The following PPARGC1A variants were observed in gnomAD, a reference collection of about 807,000 sequenced individuals.
PPARGC1A encodes PPARG coactivator 1 alpha.
In PPARGC1A, 25 loss-of-function variants were observed where a neutral mutation model predicts 88.7. The ratio of observed to expected loss-of-function variants is 0.28; its 90% CI spans 0.21 to 0.39. PPARGC1A has a LOEUF of 0.39. PPARGC1A is among the 10% of genes least tolerant of loss of function. The probability of loss-of-function intolerance (pLI) is 1.00; values close to 1 mark genes in which losing one functional copy is unlikely to be tolerated. For synonymous variants in PPARGC1A, 363 were observed against 355.6 expected (o/e 1.02, Z -0.24); for missense variants, 880 against 968.7 (o/e 0.91, Z 1.22).
intron 2 of PPARGC1A, among the ~76,000 whole-genome samples, chr4:23,859,998 A>G (rs1050042413): frequency 2.0e-5 from 3 of 152,152 alleles, no homozygotes; most frequent in Admixed American, 6.5e-5. Context: ...AAGGTGGGGC[A>G]TAGTAGCTCA....
the PPARGC1A span, among the ~76,000 whole-genome samples, chr4:24,231,042 T>C: frequency 6.6e-6 from 1 of 151,398 alleles, no homozygotes; most frequent in Non-Finnish European, 1.5e-5. Flanking sequence ...AGAGCTCTCA[T>C]TGGGTATGGT....
Position 23,884,799 on chromosome 4 carries a change from C to G in PPARGC1A, c.187G>C (p.Glu63Gln). 6.2e-7 allele frequency: 1 copy of G among 1,613,908 alleles called. No individual in the cohort carries two copies. Among genetic ancestry groups the G allele is most frequent in the Non-Finnish European group, 8.5e-7 (1 of 1,179,894 alleles). Residue 63 changes from glutamate (E) to glutamine (Q), a missense_variant, in exon 2 of 13, where the codon GAA (glutamate) becomes CAA (glutamine). Transcript: ENST00000264867. ...TTGTTGTACTGATTGGATATTATTTCTGATTGGTCACTGCACCACTTGAGT... is the reference window on the plus strand; with the variant it reads ...TTGTTGTACTGATTGGATATTATTTGTGATTGGTCACTGCACCACTTGAGT... ...GGLKWCSDQSEIISNQYNNEP... is the reference protein window; with the variant it reads ...GGLKWCSDQSQIISNQYNNEP...
the PPARGC1A span, among the ~76,000 whole-genome samples, chr4:24,160,523 T>C: frequency 6.6e-6 from 1 of 152,216 alleles, no homozygotes; most frequent in Admixed American, 6.5e-5. Context: ...GACTGCTGCA[T>C]GCCTGGCTCT....
chr4:24,348,444 T>G, the PPARGC1A span, among the ~76,000 whole-genome samples: 1 of 152,234 alleles, frequency 6.6e-6, no homozygotes, highest in African/African-American at 2.4e-5. Context: ...ACACTGATTA[T>G]TCTTAGGTTT....
the PPARGC1A span, among the ~76,000 whole-genome samples, chr4:24,255,392 A>T: frequency 4.6e-5 from 7 of 151,882 alleles, no homozygotes; most frequent in Admixed American, 4.6e-4. Context: ...ATTCTCTAAC[A>T]CTCTCCCTAT....
the PPARGC1A span, among the ~76,000 whole-genome samples, chr4:24,183,552 G>C: frequency 6.6e-6 from 1 of 152,194 alleles, no homozygotes; most frequent in African/African-American, 2.4e-5. Flanking sequence ...TTAGACACCC[G>C]GTGTGTTTCC....
chr4:24,168,485 T>C, the PPARGC1A span, among the ~76,000 whole-genome samples: 2 of 152,244 alleles, frequency 1.3e-5, no homozygotes, highest in Admixed American at 1.3e-4. Flanking sequence ...GTTCTTGGTT[T>C]CTTACATCAT....
chr4:24,031,789 C>A, the PPARGC1A span, among the ~76,000 whole-genome samples: 3 of 152,144 alleles, frequency 2.0e-5, no homozygotes, highest in Non-Finnish European at 4.4e-5. Flanking sequence ...TGATAGTTCC[C>A]CTGGTAATCT....
chr4:24,353,656 A>T, the PPARGC1A span, among the ~76,000 whole-genome samples: 14 of 152,202 alleles, frequency 9.2e-5, no homozygotes, highest in Non-Finnish European at 1.5e-4. Context: ...GTTAAGTAAG[A>T]TCATTAATAT....
At chr4:23,878,348 T>TAA (rs61188993) in intron 2 of PPARGC1A, among the ~76,000 whole-genome samples, 89 of 98,986 alleles carry the variant, frequency 9.0e-4, no homozygotes, top group Non-Finnish European at 1.3e-3. Context: ...TCAACGTCCA[T>TAA]AAAAAAAAAA....
At chr4:24,434,773 T>G in the PPARGC1A span, among the ~76,000 whole-genome samples, 1 of 152,216 alleles carries the variant, frequency 6.6e-6, no homozygotes, top group East Asian at 1.9e-4. Flanking sequence ...AGCTTCACTC[T>G]TGCTCTCACC....
the PPARGC1A span, among the ~76,000 whole-genome samples, chr4:24,275,377 G>A: frequency 6.6e-6 from 1 of 152,068 alleles, no homozygotes; most frequent in Non-Finnish European, 1.5e-5. Context: ...ACATTATGAC[G>A]CCTATTACAG....
chr4:23,815,306 A>G (rs937579442), intron 7 of PPARGC1A, among the ~76,000 whole-genome samples: 4 of 152,112 alleles, frequency 2.6e-5, no homozygotes, highest in African/African-American at 9.7e-5. Flanking sequence ...AACCATGGCT[A>G]ATGTAGGTAT....
At chr4:24,115,234 C>A in the PPARGC1A span, among the ~76,000 whole-genome samples, 1 of 152,104 alleles carries the variant, frequency 6.6e-6, no homozygotes, top group Non-Finnish European at 1.5e-5. Flanking sequence ...ACGAAAAGCA[C>A]AATTAAATAT....
the PPARGC1A span, among the ~76,000 whole-genome samples, chr4:24,300,324 A>AT: frequency 4.4e-4 from 20 of 45,026 alleles, 5 homozygotes; most frequent in East Asian, 1.4e-3. Flanking sequence ...ATACAATAGC[A>AT]TTTTTTTTTT....
chr4:24,343,291 T>C, the PPARGC1A span, among the ~76,000 whole-genome samples: 2 of 152,170 alleles, frequency 1.3e-5, no homozygotes, highest in Non-Finnish European at 2.9e-5. Flanking sequence ...TCATCTCTAA[T>C]GCAACAGTAT....
the PPARGC1A span, among the ~76,000 whole-genome samples, chr4:24,000,713 C>A: frequency 1.3e-5 from 2 of 152,038 alleles, no homozygotes; most frequent in Non-Finnish European, 2.9e-5. Context: ...CTAAGTGCAT[C>A]CACGATTTGA....
chr4:24,280,659 C>A, the PPARGC1A span, among the ~76,000 whole-genome samples: 6 of 152,204 alleles, frequency 3.9e-5, no homozygotes, highest in African/African-American at 9.7e-5. Flanking sequence ...TTAGAGCACA[C>A]ATTTCTATGA....
the PPARGC1A span, among the ~76,000 whole-genome samples, chr4:24,314,073 T>TA: frequency 6.6e-6 from 1 of 152,130 alleles, no homozygotes; most frequent in East Asian, 1.9e-4. Context: ...AAAGAACACC[T>TA]AAAACAATAG....
Sources: allele counts gnomAD v4.1 joint callset (sites outside exome capture counted in the v4.1 genomes callset), GRCh38; gene constraint gnomAD v4.1.1; transcripts MANE v1.5; gene names NCBI Gene and HGNC (gene_info 2026-07-23, HGNC 2026-07-21).